CADM2: variants seen among roughly 807,000 people sequenced by gnomAD.
The protein encoded by CADM2 is immunoglobulin superfamily member 4D.
Under a neutral mutation model 49.8 loss-of-function variants are expected in CADM2, and 12 were observed. That is an observed-to-expected ratio of 0.24 (90% CI 0.15 to 0.39). The LOEUF (loss-of-function observed/expected upper bound fraction) is 0.39. Ranked by LOEUF, CADM2 falls within the 10% of genes least tolerant of loss-of-function variation. The pLI is 1.00. For synonymous variants in CADM2, 214 were observed against 175.4 expected, an observed-to-expected ratio of 1.22 and a Z score of -1.74; for missense variants, 378 against 492.3, an observed-to-expected ratio of 0.77 and a Z score of 2.20.
chr3:86,043,558 C>G (rs906939942), intron 8 of CADM2, among the ~76,000 whole-genome samples: 71 of 151,774 alleles, frequency 4.7e-4, no homozygotes, highest in Non-Finnish European at 1.6e-4. Context: ...AACCACTGCT[C>G]AAGGAAATAA....
intron 1 of CADM2, among the ~76,000 whole-genome samples, chr3:85,663,798 C>G (rs973846586): frequency 5.9e-5 from 9 of 151,980 alleles, no homozygotes; most frequent in African/African-American, 2.2e-4. Flanking sequence ...ATTCTCTCCT[C>G]CATATATTTA....
chr3:85,557,740 A>T (rs1205301083), intron 1 of CADM2, among the ~76,000 whole-genome samples: 1 of 152,008 alleles, frequency 6.6e-6, no homozygotes, highest in Non-Finnish European at 1.5e-5. Context: ...CAAATAGACA[A>T]ATAGCTCATT....
chr3:85,504,054 T>C (rs2040219624), intron 1 of CADM2, among the ~76,000 whole-genome samples: 1 of 152,208 alleles, frequency 6.6e-6, no homozygotes, highest in Non-Finnish European at 1.5e-5. Context: ...TTCTTGGTCT[T>C]ACTGACTTAA....
intron 1 of CADM2, among the ~76,000 whole-genome samples, chr3:84,966,682 G>T (rs1243856069): frequency 6.6e-6 from 1 of 151,994 alleles, no homozygotes. Flanking sequence ...ATAGAGAGAG[G>T]GGGCCATTAA....
At chr3:86,018,552 T>G (rs1283694257) in intron 8 of CADM2, among the ~76,000 whole-genome samples, 1 of 152,210 alleles carries the variant, frequency 6.6e-6, no homozygotes, top group Non-Finnish European at 1.5e-5. Flanking sequence ...GTTTCCTGAC[T>G]TTTTAATGAT....
chr3:85,591,006 GTT>G (rs931545531), intron 1 of CADM2, among the ~76,000 whole-genome samples: 2 of 151,514 alleles, frequency 1.3e-5, no homozygotes, highest in African/African-American at 4.8e-5. Flanking sequence ...AATAATTCTG[GTT>G]TGCAGTATCT....
chr3:85,489,211 G>T (rs2039559418), intron 1 of CADM2, among the ~76,000 whole-genome samples: 1 of 152,144 alleles, frequency 6.6e-6, no homozygotes, highest in South Asian at 2.1e-4. Flanking sequence ...AAGTCTGAAG[G>T]CATCTGTGTT....
At chr3:85,447,483 T>C (rs2037522672) in intron 1 of CADM2, among the ~76,000 whole-genome samples, 1 of 152,180 alleles carries the variant, frequency 6.6e-6, no homozygotes, top group African/African-American at 2.4e-5. Context: ...GTTTTGCCCC[T>C]TATACATACA....
intron 3 of CADM2, among the ~76,000 whole-genome samples, chr3:85,867,530 G>C (rs2075768724): frequency 6.6e-6 from 1 of 151,936 alleles, no homozygotes; most frequent in Non-Finnish European, 1.5e-5. Context: ...TGTTTGAAAG[G>C]AATGTTTCTT....
At chr3:85,899,024 G>A (rs550207527) in intron 5 of CADM2, among the ~76,000 whole-genome samples, 7 of 131,014 alleles carry the variant, frequency 5.3e-5, no homozygotes, top group Admixed American at 2.6e-4. Context: ...GGAGTGCAGC[G>A]GTGCAATCTT....
chr3:85,005,687 C>A (rs774733802), intron 1 of CADM2, among the ~76,000 whole-genome samples: 3 of 150,854 alleles, frequency 2.0e-5, no homozygotes, highest in Non-Finnish European at 2.9e-5. Flanking sequence ...GTTCTAAGAT[C>A]TGATAAAAAA....
At chr3:85,785,099 C>T (rs1036182093) in intron 2 of CADM2, among the ~76,000 whole-genome samples, 6 of 152,046 alleles carry the variant, frequency 3.9e-5, no homozygotes, top group Non-Finnish European at 7.4e-5. Flanking sequence ...TCTAATGATT[C>T]TTTGAATTTC....
chr3:84,973,745 TA>T (rs1033547794), intron 1 of CADM2, among the ~76,000 whole-genome samples: 11 of 152,254 alleles, frequency 7.2e-5, no homozygotes, highest in Admixed American at 4.6e-4. Context: ...AAAACATTTT[TA>T]AAGTGTCCTA....
intron 1 of CADM2, among the ~76,000 whole-genome samples, chr3:85,351,940 AT>A (rs1324118055): frequency 6.6e-6 from 1 of 152,072 alleles, no homozygotes; most frequent in Non-Finnish European, 1.5e-5. Context: ...GGTGGAAATA[AT>A]ATATATTTCC....
intron 1 of CADM2, among the ~76,000 whole-genome samples, chr3:85,262,165 A>T (rs1393688259): frequency 6.6e-6 from 1 of 152,128 alleles, no homozygotes; most frequent in Admixed American, 6.6e-5. Flanking sequence ...ACCATATTAA[A>T]TTTCAGGGAA....
intron 1 of CADM2, among the ~76,000 whole-genome samples, chr3:85,043,570 T>C (rs995426831): frequency 1.3e-5 from 2 of 152,042 alleles, no homozygotes; most frequent in African/African-American, 4.8e-5. Flanking sequence ...TCCTAGCTAC[T>C]CAGGAGGCTG....
chr3:85,068,515 A>T (rs1289431129), intron 1 of CADM2, among the ~76,000 whole-genome samples: 1 of 152,148 alleles, frequency 6.6e-6, no homozygotes, highest in Non-Finnish European at 1.5e-5. Context: ...TTGAGGAAAT[A>T]GGAAATTATC....
chr3:85,067,899 A>G (rs973687817), intron 1 of CADM2, among the ~76,000 whole-genome samples: 1 of 152,186 alleles, frequency 6.6e-6, no homozygotes, highest in Non-Finnish European at 1.5e-5. Flanking sequence ...AGGCAATCTG[A>G]CACAGTTGGG....
Position 85,982,072 on chromosome 3 carries a change from T to C in CADM2, c.970+20425T>C, listed in dbSNP as rs369405261. ...CTCACTGGTGTAAGAAGGTATTTCA[T>C]TGCGGTTTTGATTTGTGTTTCTCTA... On this transcript the variant is annotated intron_variant, in intron 8 of 9. Coordinates refer to ENST00000383699, the MANE Select transcript of CADM2 (RefSeq NM_001167675.2). 3.3e-5 allele frequency among the ~76,000 whole-genome samples: 5 copies of C among 151,856 alleles called. No individual in the cohort carries two copies. In the East Asian group the frequency reaches 5.8e-4, roughly 18 times the overall value.
Sources: allele counts gnomAD v4.1 joint callset (sites outside exome capture counted in the v4.1 genomes callset), GRCh38; gene constraint gnomAD v4.1.1; transcripts MANE v1.5; gene names NCBI Gene and HGNC (gene_info 2026-07-23, HGNC 2026-07-21).